The following ITK variants were observed in gnomAD, a reference collection of about 807,000 sequenced individuals.
The protein encoded by ITK is IL2 inducible T cell kinase.
Under a neutral mutation model 87.6 loss-of-function variants are expected in ITK, and 45 were observed. The ratio of observed to expected loss-of-function variants is 0.51; its 90% CI spans 0.40 to 0.66. The LOEUF (loss-of-function observed/expected upper bound fraction) is 0.66. Among genes scored for constraint, ITK ranks in the 30% least tolerant of loss-of-function variants. The pLI is 0.00. For missense variants in ITK, 605 were observed against 766.3 expected (o/e 0.79, Z 2.48); for synonymous variants, 303 against 273.6 (o/e 1.11, Z -1.06).
At chr5:157,195,843 A>G (rs1354905274) in intron 1 of ITK, 1 of 152,262 alleles carries the variant, frequency 6.6e-6, no homozygotes, top group Non-Finnish European at 1.5e-5. Context: ...CATTGTATGC[A>G]TGAAAAATTT....
chr5:157,254,076 G>T lies in ITK; in HGVS notation c.*1398G>T, dbSNP rs188565647. The stretch of plus-strand genomic sequence containing the variant: ...TATTCTAGCCCAAATCTGTCTGACC[G>T]CAATACACAGATTCTTTATTCCTAT... On this transcript the variant is annotated 3_prime_UTR_variant, in exon 17 of 17. Coordinates refer to ENST00000422843, the MANE Select transcript of ITK (RefSeq NM_005546.4). The T allele has an allele frequency of 8.8e-6, 2 of 226,472 alleles. No homozygotes were observed. Among genetic ancestry groups the T allele is most frequent in the African/African-American group, 4.4e-5 (2 of 44,944 alleles). The allele number at this position is 226,472 out of a possible 1,614,324, so 14.0% of individuals were successfully genotyped here.
intron 16 of ITK, among the ~76,000 whole-genome samples, chr5:157,250,382 C>A (rs1006868215): frequency 6.7e-6 from 1 of 149,650 alleles, no homozygotes; most frequent in Non-Finnish European, 1.5e-5. Flanking sequence ...CATGTCTTTT[C>A]GTGGCTTAAT....
chr5:157,214,369 G>A, intron 4 of ITK, 50 bp downstream of exon 4: 1 of 1,535,568 alleles, frequency 6.5e-7, no homozygotes, highest in Non-Finnish European at 9.0e-7. Flanking sequence ...CCATAAAAAA[G>A]TAAAAGCTTT....
At chr5:157,217,610 C>T (rs1446882175) in intron 4 of ITK, among the ~76,000 whole-genome samples, 1 of 152,016 alleles carries the variant, frequency 6.6e-6, no homozygotes, top group Non-Finnish European at 1.5e-5. Context: ...AAGAGAGGGC[C>T]CCCGAATATG....
intron 1 of ITK, among the ~76,000 whole-genome samples, chr5:157,194,228 G>A (rs376352999): frequency 4.6e-5 from 7 of 152,024 alleles, no homozygotes; most frequent in Non-Finnish European, 8.8e-5. Context: ...CCAGTTTCTC[G>A]CTGCGAGTTT....
Position 157,252,645 on chromosome 5 carries a change from T to A in ITK, c.1830T>A (p.Arg610=), listed in dbSNP as rs774024779. 1 of 1,614,158 alleles carries A rather than the reference T, an allele frequency of 6.2e-7. No homozygotes were observed. Among genetic ancestry groups the A allele is most frequent in the Non-Finnish European group, 8.5e-7 (1 of 1,179,972 alleles). ...EDRPAFSRLL[R]QLAEIAESGL ...GGCCAGCCTTCTCCAGACTGCTGCG[T>A]CAACTGGCTGAAATTGCAGAATCAG... is the stretch of plus-strand genomic sequence containing the variant. Residue 610 remains arginine (R), a synonymous_variant, in exon 17 of 17, where the codon CGT becomes CGA. Transcript: ENST00000422843.
intron 1 of ITK, among the ~76,000 whole-genome samples, chr5:157,183,592 A>T (rs529288804): frequency 6.6e-6 from 1 of 152,290 alleles, no homozygotes; most frequent in East Asian, 1.9e-4. Context: ...AGGCTGTCAT[A>T]ACAATTCATT....
At chr5:157,193,202 C>T (rs1266298495) in intron 1 of ITK, among the ~76,000 whole-genome samples, 4 of 152,184 alleles carry the variant, frequency 2.6e-5, no homozygotes, top group African/African-American at 4.8e-5. Flanking sequence ...GCCTGGGCTA[C>T]AGAGCGAGAC....
At chr5:157,206,706 A>G (rs1754085669) in intron 1 of ITK, among the ~76,000 whole-genome samples, 1 of 152,000 alleles carries the variant, frequency 6.6e-6, no homozygotes, top group South Asian at 2.1e-4. Context: ...GATTATTTGT[A>G]TTTCTGTGGG....
At chr5:157,207,377 CTTTT>C (rs536290068) in intron 1 of ITK, among the ~76,000 whole-genome samples, 34 of 59,122 alleles carry the variant, frequency 5.8e-4, no homozygotes, top group South Asian at 1.0e-3. Context: ...AGATACGTCT[CTTTT>C]TTTTTTTTTT....
intron 15 of ITK, among the ~76,000 whole-genome samples, chr5:157,246,774 G>T (rs765034255): frequency 3.9e-5 from 6 of 152,126 alleles, no homozygotes; most frequent in Non-Finnish European, 7.4e-5. Flanking sequence ...CCTGACAGAG[G>T]GACCAGCAAG....
At chr5:157,213,506 T>C (rs772090443) in intron 3 of ITK, 1 of 421,342 alleles carries the variant, frequency 2.4e-6, no homozygotes, top group Non-Finnish European at 4.7e-6. Context: ...GCCTCCTGAG[T>C]AGCTGGGACT....
chr5:157,213,427 GAGTGCAGTA>G, intron 3 of ITK: 2 of 349,326 alleles, frequency 5.7e-6, no homozygotes, highest in Non-Finnish European at 1.1e-5. Context: ...ACCCAGGCTG[GAGTGCAGTA>G]GCACAAGCAT....
chr5:157,208,186 T>G (rs2113751897), intron 1 of ITK, among the ~76,000 whole-genome samples: 1 of 152,264 alleles, frequency 6.6e-6, no homozygotes, highest in African/African-American at 2.4e-5. Context: ...TCCCCTGAGA[T>G]CCATTCTCCA....
At chr5:157,235,986 A>G (rs1754767621) in intron 8 of ITK, among the ~76,000 whole-genome samples, 1 of 152,168 alleles carries the variant, frequency 6.6e-6, no homozygotes, top group African/African-American at 2.4e-5. Flanking sequence ...TCCAGGAGCA[A>G]TTCTAGGCAC....
Position 157,250,575 on chromosome 5 carries a change from G to A in ITK, c.1791+1568G>A, listed in dbSNP as rs935772969. Among the ~76,000 whole-genome samples the A allele has an allele frequency of 5.3e-5, 8 of 151,540 alleles. 1 individual carries two copies. The highest frequency in any genetic ancestry group is 1.2e-4 in the Non-Finnish European group (8 of 67,890). ...TCTGTTACCCAGGCTGGAGTGCAGT[G>A]GTGCAATCTCAGCTCACTGCAACCT... On this transcript the variant is annotated intron_variant, in intron 16 of 16. Transcript: ENST00000422843.
At chr5:157,236,809 G>A (rs546122731) in intron 8 of ITK, among the ~76,000 whole-genome samples, 10 of 152,068 alleles carry the variant, frequency 6.6e-5, no homozygotes, top group South Asian at 6.2e-4. Flanking sequence ...TCAGGGTGGC[G>A]AAAGTTACAT....
chr5:157,186,680 AAAAG>A (rs1276239517), intron 1 of ITK, among the ~76,000 whole-genome samples: 1 of 105,058 alleles, frequency 9.5e-6, no homozygotes. Context: ...CCGTCTCAAA[AAAAG>A]AGAGAGAGAG....
intron 9 of ITK, among the ~76,000 whole-genome samples, chr5:157,238,545 G>T (rs774539148): frequency 1.5e-4 from 23 of 152,242 alleles, no homozygotes; most frequent in Non-Finnish European, 2.5e-4. Context: ...ATGAACTCCA[G>T]TTCTGGCTCT....
Sources: gnomAD v4.1 joint callset for allele counts (sites outside exome capture counted in the v4.1 genomes callset) on GRCh38, gnomAD v4.1.1 for gene constraint, MANE v1.5 for transcripts, NCBI Gene and HGNC (gene_info 2026-07-23, HGNC 2026-07-21) for gene names.